Variants in ATP10B observed in about 807,000 individuals in gnomAD.
ATP10B encodes the protein ATPase phospholipid transporting 10B (putative), also known as phospholipid-transporting ATPase VB.
In ATP10B, 122 loss-of-function variants were observed where a neutral mutation model predicts 141.2. That is an observed-to-expected ratio of 0.86 (90% confidence interval 0.75 to 1.00). The LOEUF (loss-of-function observed/expected upper bound fraction) is 1.00. ATP10B is among the 50% of genes least tolerant of loss of function. ATP10B has a pLI of 0.00. For missense variants in ATP10B, 1,876 were observed against 1,825.3 expected, an observed-to-expected ratio of 1.03 and a Z score of -0.51; for synonymous variants, 685 against 692.0, an observed-to-expected ratio of 0.99 and a Z score of 0.16.
the ATP10B span, among the ~76,000 whole-genome samples, chr5:160,900,908 GTTTTT>G: frequency 0.014 from 1,269 of 88,990 alleles, 18 homozygotes; most frequent in African/African-American, 0.051. Flanking sequence ...GGGTAGAGAA[GTTTTT>G]TTTTTTTTTT....
the ATP10B span, among the ~76,000 whole-genome samples, chr5:160,919,085 A>G: frequency 1.3e-5 from 2 of 150,134 alleles, no homozygotes; most frequent in South Asian, 2.1e-4. Flanking sequence ...TTAGCCGGGC[A>G]TGGTGGCGCG....
At chr5:160,860,260 A>G in the ATP10B span, among the ~76,000 whole-genome samples, 1 of 151,976 alleles carries the variant, frequency 6.6e-6, no homozygotes, top group Admixed American at 6.6e-5. Flanking sequence ...ATAAAGTAGT[A>G]GAAAATATAA....
At chr5:160,785,444 G>GT (rs899865980) in intron 2 of ATP10B, 115 bp downstream of exon 2, 243 of 331,126 alleles carry the variant, frequency 7.3e-4, no homozygotes, top group African/African-American at 4.1e-3. Context: ...GTTTTGTTTT[G>GT]TTTTTTTAAT....
At chr5:160,808,231 T>C (rs545996774) in intron 1 of ATP10B, among the ~76,000 whole-genome samples, 1 of 152,260 alleles carries the variant, frequency 6.6e-6, no homozygotes, top group East Asian at 1.9e-4. Context: ...AAAATTGTGT[T>C]TGTGTAAGAA....
intron 2 of ATP10B, among the ~76,000 whole-genome samples, chr5:160,767,639 C>CA (rs1769566893): frequency 8.7e-6 from 1 of 114,900 alleles, no homozygotes; most frequent in Non-Finnish European, 1.9e-5. Context: ...TGCAGAACCC[C>CA]CCCCCCCAAA....
At chr5:160,694,826 A>G (rs892847982) in intron 3 of ATP10B, among the ~76,000 whole-genome samples, 3 of 152,242 alleles carry the variant, frequency 2.0e-5, no homozygotes, top group African/African-American at 7.2e-5. Flanking sequence ...GATTTTAAAC[A>G]TACACGTTTA....
the ATP10B span, among the ~76,000 whole-genome samples, chr5:160,928,194 C>T: frequency 6.6e-6 from 1 of 152,120 alleles, no homozygotes. Flanking sequence ...TTATTGACTG[C>T]TCTAGAGCTT....
chr5:160,589,646 G>A lies in ATP10B; in HGVS notation c.3696C>T (p.Asn1232=). ...IDVFTFGTPI[N]TISLTTILLH... ...AAAGGATTGTGGTGAGGGAGATGGT[G>A]TTGATTGGTGTCCCAAAGGTAAAGA... Residue 1232 remains asparagine, a synonymous_variant, in exon 24 of 26, where the codon AAC becomes AAT. Coordinates refer to ENST00000327245, the MANE Select transcript of ATP10B (RefSeq NM_025153.3). 1 of 1,614,128 alleles carries A rather than the reference G, an allele frequency of 6.2e-7. No individual in the cohort carries two copies. The highest frequency in any genetic ancestry group is 1.7e-5 in the Admixed American group (1 of 60,020).
At chr5:160,842,433 G>C (rs1032920973) in intron 1 of ATP10B, among the ~76,000 whole-genome samples, 10 of 151,860 alleles carry the variant, frequency 6.6e-5, no homozygotes, top group African/African-American at 2.2e-4. Context: ...AAAAAATAAA[G>C]AGCGAATGGA....
intron 8 of ATP10B, among the ~76,000 whole-genome samples, chr5:160,648,533 G>A (rs923631698): frequency 3.9e-5 from 6 of 152,148 alleles, no homozygotes; most frequent in Non-Finnish European, 8.8e-5. Flanking sequence ...CAGAATTGCA[G>A]TAAAATGCTT....
intron 3 of ATP10B, among the ~76,000 whole-genome samples, chr5:160,714,040 C>G (rs955519610): frequency 4.8e-5 from 2 of 41,850 alleles, no homozygotes; most frequent in Non-Finnish European, 8.4e-5. Flanking sequence ...CTCTGGCTGC[C>G]CTTAACATTT....
At chr5:160,868,934 A>T in the ATP10B span, among the ~76,000 whole-genome samples, 20 of 152,250 alleles carry the variant, frequency 1.3e-4, no homozygotes, top group South Asian at 4.1e-3. Context: ...AGAAATTCAT[A>T]TAAGGCTTGA....
intron 1 of ATP10B, among the ~76,000 whole-genome samples, chr5:160,805,215 G>T (rs1772692706): frequency 6.6e-6 from 1 of 152,138 alleles, no homozygotes; most frequent in Admixed American, 6.5e-5. Context: ...TCATTTTTAG[G>T]ATTCTGCACA....
intron 6 of ATP10B, among the ~76,000 whole-genome samples, chr5:160,674,007 C>CT (rs1333677292): frequency 6.6e-6 from 1 of 151,978 alleles, no homozygotes; most frequent in African/African-American, 2.4e-5. Flanking sequence ...TCTTGTCTTC[C>CT]TTTTTTTTCT....
chr5:160,821,601 G>C (rs571209170), intron 1 of ATP10B, among the ~76,000 whole-genome samples: 1 of 151,978 alleles, frequency 6.6e-6, no homozygotes, highest in African/African-American at 2.4e-5. Context: ...CACATTACCT[G>C]ACTTTATACT....
the ATP10B span, among the ~76,000 whole-genome samples, chr5:160,926,906 A>G: frequency 6.6e-6 from 1 of 152,170 alleles, no homozygotes; most frequent in South Asian, 2.1e-4. Flanking sequence ...GCTGCTCCCC[A>G]TTGCTTGTGG....
At chr5:160,754,722 C>T (rs1473109926) in intron 2 of ATP10B, among the ~76,000 whole-genome samples, 1 of 152,132 alleles carries the variant, frequency 6.6e-6, no homozygotes, top group African/African-American at 2.4e-5. Flanking sequence ...ACCAGCAGAA[C>T]CCTCCTAGTG....
chr5:160,593,530 C>T (rs1454605075), intron 22 of ATP10B, among the ~76,000 whole-genome samples: 5 of 152,228 alleles, frequency 3.3e-5, no homozygotes, highest in African/African-American at 9.6e-5. Flanking sequence ...TCCAAAGGAA[C>T]GTAGTTCCTC....
At chr5:160,637,526 C>T (rs952908916) in intron 10 of ATP10B, among the ~76,000 whole-genome samples, 2 of 152,168 alleles carry the variant, frequency 1.3e-5, no homozygotes, top group Non-Finnish European at 2.9e-5. Flanking sequence ...GCTGTGACAG[C>T]CCATAGCAAC....
Sources: gnomAD v4.1 joint callset for allele counts (sites outside exome capture counted in the v4.1 genomes callset) on GRCh38, gnomAD v4.1.1 for gene constraint, MANE v1.5 for transcripts, NCBI Gene and HGNC (gene_info 2026-07-23, HGNC 2026-07-21) for gene names.